Variants in DTNB observed in about 807,000 individuals in gnomAD.
The protein encoded by DTNB is dystrobrevin beta.
In DTNB, 63 loss-of-function variants were observed where a neutral mutation model predicts 90.7. That is an observed-to-expected ratio of 0.69 (90% CI 0.57 to 0.86). DTNB has a LOEUF of 0.86. Among genes scored for constraint, DTNB ranks in the 40% least tolerant of loss-of-function variants. The pLI, the probability that DTNB is intolerant of heterozygous loss-of-function variation, is 0.00. For synonymous variants in DTNB, 277 were observed against 286.7 expected, an observed-to-expected ratio of 0.97 and a Z score of 0.34; for missense variants, 744 against 807.1, an observed-to-expected ratio of 0.92 and a Z score of 0.95.
chr2:25,440,774 T>C (rs1010055580), intron 12 of DTNB, among the ~76,000 whole-genome samples: 1 of 152,238 alleles, frequency 6.6e-6, no homozygotes, highest in African/African-American at 2.4e-5. Context: ...TTTGACACAT[T>C]TGCTTCATCT....
chr2:25,672,237 G>T (rs1477047081), intron 1 of DTNB, among the ~76,000 whole-genome samples: 1 of 135,406 alleles, frequency 7.4e-6, no homozygotes, highest in Non-Finnish European at 1.6e-5. Flanking sequence ...AAAAAAAAGA[G>T]GCAGAGAGAG....
intron 8 of DTNB, among the ~76,000 whole-genome samples, chr2:25,538,652 A>G (rs1308490178): frequency 6.6e-6 from 1 of 151,974 alleles, no homozygotes; most frequent in Non-Finnish European, 1.5e-5. Context: ...GGGTTTCACC[A>G]TGTTGGTCAG....
At chr2:25,599,325 T>C (rs1379898360) in intron 5 of DTNB, among the ~76,000 whole-genome samples, 1 of 150,414 alleles carries the variant, frequency 6.6e-6, no homozygotes, top group Non-Finnish European at 1.5e-5. Flanking sequence ...CTTTGAACAT[T>C]ACTGTTTGAA....
chr2:25,408,558 A>AT (rs1475397218), intron 16 of DTNB, among the ~76,000 whole-genome samples: 40 of 151,050 alleles, frequency 2.6e-4, no homozygotes, highest in African/African-American at 9.0e-4. Flanking sequence ...AAAAAAAAAA[A>AT]AAAAAGCACC....
chr2:25,509,971 G>A (rs1337518945), intron 9 of DTNB, among the ~76,000 whole-genome samples: 1 of 151,720 alleles, frequency 6.6e-6, no homozygotes, highest in Non-Finnish European at 1.5e-5. Context: ...GCCTGGTCTC[G>A]AACGCCTGAC....
chr2:25,445,928 T>G (rs543596398), intron 12 of DTNB, among the ~76,000 whole-genome samples: 2 of 151,648 alleles, frequency 1.3e-5, no homozygotes, highest in Non-Finnish European at 2.9e-5. Context: ...TAGTTTTTTT[T>G]TTTTTTTTTT....
At chr2:25,388,062 G>A (rs991688334) in intron 17 of DTNB, 140 bp downstream of exon 17, 1 of 1,395,000 alleles carries the variant, frequency 7.2e-7, no homozygotes, top group East Asian at 2.5e-5. Context: ...GCCAGCACCT[G>A]ACTTATTTAC....
intron 8 of DTNB, among the ~76,000 whole-genome samples, chr2:25,536,899 T>C (rs2079949576): frequency 6.6e-6 from 1 of 152,092 alleles, no homozygotes; most frequent in South Asian, 2.1e-4. Flanking sequence ...CGTGCCACCA[T>C]GCCTGGCTAA....
intron 10 of DTNB, among the ~76,000 whole-genome samples, chr2:25,457,770 T>C (rs1421142136): frequency 6.6e-6 from 1 of 152,234 alleles, no homozygotes; most frequent in Non-Finnish European, 1.5e-5. Flanking sequence ...TACAAAATAC[T>C]GTAATTCTTG....
intron 8 of DTNB, among the ~76,000 whole-genome samples, chr2:25,548,911 C>A (rs1461051580): frequency 6.6e-6 from 1 of 152,128 alleles, no homozygotes; most frequent in South Asian, 2.1e-4. Flanking sequence ...AATACATACA[C>A]CCACAAACAT....
At chr2:25,561,886 T>C (rs903720657) in intron 8 of DTNB, among the ~76,000 whole-genome samples, 1 of 152,182 alleles carries the variant, frequency 6.6e-6, no homozygotes, top group African/African-American at 2.4e-5. Flanking sequence ...TCCTTTATAG[T>C]AATGCAAAAA....
At chr2:25,637,089 C>T (rs58786481) in intron 3 of DTNB, among the ~76,000 whole-genome samples, 66,834 of 151,582 alleles carry the variant, frequency 0.44, 15,834 homozygotes, top group East Asian at 0.77. Context: ...ACAAACCTGA[C>T]GAAAACAAGA....
At chr2:25,383,432 G>C (rs2038478345) in intron 19 of DTNB, among the ~76,000 whole-genome samples, 1 of 152,008 alleles carries the variant, frequency 6.6e-6, no homozygotes, top group Non-Finnish European at 1.5e-5. Flanking sequence ...TGGCCAGCCT[G>C]CTGGTCTTGA....
chr2:25,576,862 G>C lies in DTNB; in HGVS notation c.852C>G (p.His284Gln). 3.1e-6 allele frequency: 5 copies of C among 1,612,914 alleles called. No individual in the cohort carries two copies. The highest frequency in any genetic ancestry group is 4.2e-6 in the Non-Finnish European group (5 of 1,179,450). Reference sequence around the variant, plus strand: ...CCCAAGAGGAATGCTCCTTCATCTGGTGCTGGTTGCTGTGAGGGCCGCCGG... The same window carrying C: ...CCCAAGAGGAATGCTCCTTCATCTGCTGCTGGTTGCTGTGAGGGCCGCCGG... ...GHAGGPHSNQHQMKEHSSWKS... is the reference protein window; with the variant it reads ...GHAGGPHSNQQQMKEHSSWKS... Residue 284 changes from histidine (H) to glutamine (Q), a missense_variant, in exon 8 of 21, where the codon CAC becomes CAG. Physicochemically the swap from His to Gln is conservative, Grantham distance 24. Coordinates refer to ENST00000406818, the MANE Select transcript of DTNB (RefSeq NM_021907.5).
At chr2:25,606,061 C>T (rs765181774) in intron 5 of DTNB, among the ~76,000 whole-genome samples, 5 of 152,144 alleles carry the variant, frequency 3.3e-5, no homozygotes, top group Non-Finnish European at 7.4e-5. Context: ...AATGGGCCAT[C>T]TAGCTTTCCA....
chr2:25,457,654 A>G (rs1177915360), intron 10 of DTNB, among the ~76,000 whole-genome samples: 1 of 152,106 alleles, frequency 6.6e-6, no homozygotes, highest in East Asian at 1.9e-4. Flanking sequence ...CCCATGAAAT[A>G]TCTCGCTTTT....
chr2:25,598,225 G>A (rs2065050277), intron 5 of DTNB, among the ~76,000 whole-genome samples: 1 of 152,062 alleles, frequency 6.6e-6, no homozygotes, highest in South Asian at 2.1e-4. Flanking sequence ...TACCTGGAGT[G>A]CAGCTATGAT....
chr2:25,673,129 T>C (rs759153381), intron 1 of DTNB, among the ~76,000 whole-genome samples: 2 of 151,228 alleles, frequency 1.3e-5, no homozygotes, highest in Non-Finnish European at 3.0e-5. Context: ...CGGACCCCGA[T>C]ACCCCTCCCG....
At chr2:25,625,585 T>G (rs550515015) in intron 4 of DTNB, among the ~76,000 whole-genome samples, 91 of 151,112 alleles carry the variant, frequency 6.0e-4, no homozygotes, top group Non-Finnish European at 1.2e-3. Context: ...TGCTAGTTAT[T>G]TTCGGTGTGT....
Sources: allele counts gnomAD v4.1 joint callset (sites outside exome capture counted in the v4.1 genomes callset), GRCh38; gene constraint gnomAD v4.1.1; transcripts MANE v1.5; gene names NCBI Gene and HGNC (gene_info 2026-07-23, HGNC 2026-07-21).